WDR72: variants seen among roughly 807,000 people sequenced by gnomAD.
The protein encoded by WDR72 is WD repeat-containing protein 72.
A neutral mutation model predicts 124.2 loss-of-function variants in WDR72; 120 were observed. The observed-to-expected ratio is 0.97, with a 90% CI of 0.83 to 1.12. WDR72 has a LOEUF of 1.12. WDR72 is among the 50% of genes most tolerant of loss of function. WDR72 has a pLI of 0.00. For synonymous variants in WDR72, 452 were observed against 441.7 expected (o/e 1.02, Z -0.29); for missense variants, 1,387 against 1,278.8 (o/e 1.08, Z -1.29).
At chr15:53,571,253 TA>T (rs912418487) in intron 18 of WDR72, among the ~76,000 whole-genome samples, 1 of 152,064 alleles carries the variant, frequency 6.6e-6, no homozygotes, top group Admixed American at 6.6e-5. Flanking sequence ...TATAACCATG[TA>T]AAAAATATGC....
intron 18 of WDR72, among the ~76,000 whole-genome samples, chr15:53,562,119 T>C (rs746279606): frequency 1.1e-4 from 16 of 151,826 alleles, no homozygotes; most frequent in South Asian, 4.1e-4. Flanking sequence ...CTTCCTATTT[T>C]ACATACAAGC....
At chr15:53,705,820 T>C (rs1299811120) in intron 10 of WDR72, 107 bp downstream of exon 10, 16 of 1,347,654 alleles carry the variant, frequency 1.2e-5, no homozygotes, top group South Asian at 4.8e-5. Context: ...TAGTACACAA[T>C]AAATTTTTCT....
At chr15:53,679,211 C>T (rs75118691) in intron 13 of WDR72, among the ~76,000 whole-genome samples, 11,497 of 152,136 alleles carry the variant, frequency 0.076, 1,113 homozygotes, top group African/African-American at 0.22. Context: ...TTTAAAGAAG[C>T]TGAAAAAGTT....
chr15:53,672,354 T>G (rs1473941074), intron 13 of WDR72, among the ~76,000 whole-genome samples: 1 of 149,106 alleles, frequency 6.7e-6, no homozygotes, highest in Non-Finnish European at 1.5e-5. Context: ...TGGAGTGAGC[T>G]GTTTCAGGAG....
At chr15:53,572,322 CT>C (rs1427312342) in intron 18 of WDR72, among the ~76,000 whole-genome samples, 1 of 150,174 alleles carries the variant, frequency 6.7e-6, no homozygotes, top group East Asian at 1.9e-4. Flanking sequence ...AGCTTTCCCC[CT>C]GTTTTCTTCT....
intron 18 of WDR72, among the ~76,000 whole-genome samples, chr15:53,535,672 G>C (rs1337897302): frequency 6.6e-6 from 1 of 152,144 alleles, no homozygotes; most frequent in African/African-American, 2.4e-5. Flanking sequence ...GGTATAGCTA[G>C]AGTAAGGAGG....
Position 53,539,578 on chromosome 15 carries a change from G to C in WDR72, c.3149-16256C>G, listed in dbSNP as rs143564328. Among the ~76,000 whole-genome samples the C allele has an allele frequency of 4.4e-3, 670 of 151,918 alleles. 1 individual carries two copies. The highest frequency in any genetic ancestry group is 0.016 in the African/African-American group (645 of 41,446). ...GCAAATTATTTCATTATTGCTAATA[G>C]TTGAGGGCTAACTGGCAATGAGAAG... On this transcript the variant is annotated intron_variant, in intron 18 of 19. Transcript: ENST00000360509.
chr15:53,590,730 T>G (rs2012452807), intron 18 of WDR72, among the ~76,000 whole-genome samples: 1 of 152,046 alleles, frequency 6.6e-6, no homozygotes, highest in Non-Finnish European at 1.5e-5. Flanking sequence ...ATTATTTAAC[T>G]TCTCTGAATC....
intron 18 of WDR72, among the ~76,000 whole-genome samples, chr15:53,550,567 G>A (rs1201102199): frequency 6.6e-6 from 1 of 152,128 alleles, no homozygotes; most frequent in Non-Finnish European, 1.5e-5. Context: ...AACTTTCTCT[G>A]CCTACCCCTT....
chr15:53,646,737 C>T (rs2015055795), intron 14 of WDR72, among the ~76,000 whole-genome samples: 2 of 151,838 alleles, frequency 1.3e-5, no homozygotes, highest in Admixed American at 6.6e-5. Context: ...AAATGTACAA[C>T]AAAATATCCT....
In WDR72 at chr15:53,691,860, T is replaced by C. The variant is rs77327623; in HGVS notation, c.1765+7890A>G. Among the ~76,000 whole-genome samples the C allele has an allele frequency of 5.6e-3, 859 of 152,326 alleles. 6 individuals carry two copies. The highest frequency in any genetic ancestry group is 0.02 in the African/African-American group (819 of 41,570). On this transcript the variant is annotated intron_variant, in intron 13 of 19. Coordinates refer to ENST00000360509, the MANE Select transcript of WDR72 (RefSeq NM_182758.4). ...TCTTCTTTCTTTGAACACTAAGCAA[T>C]AGAATTAGTTTGACAGATTAAAGGT...
At chr15:53,744,579 C>G (rs2018596274) in intron 1 of WDR72, among the ~76,000 whole-genome samples, 1 of 152,222 alleles carries the variant, frequency 6.6e-6, no homozygotes, top group Non-Finnish European at 1.5e-5. Context: ...ACCTCCTAAA[C>G]CATAGGGCCT....
chr15:53,691,441 G>A (rs2016837097), intron 13 of WDR72, among the ~76,000 whole-genome samples: 1 of 152,114 alleles, frequency 6.6e-6, no homozygotes. Flanking sequence ...ATTAACAGAT[G>A]TACAATTTGC....
chr15:53,594,637 A>AAC (rs1378232807), intron 18 of WDR72, among the ~76,000 whole-genome samples: 3 of 148,702 alleles, frequency 2.0e-5, no homozygotes, highest in African/African-American at 5.2e-5. Context: ...TAAAAAAAAA[A>AAC]AAAAACTAGC....
At chr15:53,682,244 A>C (rs2016414957) in intron 13 of WDR72, among the ~76,000 whole-genome samples, 1 of 152,242 alleles carries the variant, frequency 6.6e-6, no homozygotes, top group South Asian at 2.1e-4. Context: ...TAACAATTAC[A>C]TAATTTCACC....
rs994137754 is a variant in WDR72 at position 53,540,573 on chromosome 15, A to AAG, written c.3149-17252_3149-17251insCT. ...ATACAGCAAACCAAAGGAAGAAAGA[A>AAG]AAAAAAAAAAAACAAGAGGAAAGAA... is the stretch of plus-strand genomic sequence containing the variant. On this transcript the variant is annotated intron_variant, in intron 18 of 19. Coordinates refer to ENST00000360509, the MANE Select transcript of WDR72 (RefSeq NM_182758.4). Among the ~76,000 whole-genome samples, 11 of 150,556 alleles carry AAG rather than the reference A, an allele frequency of 7.3e-5. 1 individual carries two copies. The highest frequency in any genetic ancestry group is 1.9e-4 in the East Asian group (1 of 5,142).
At chr15:53,677,476 C>G (rs958105215) in intron 13 of WDR72, among the ~76,000 whole-genome samples, 3 of 152,142 alleles carry the variant, frequency 2.0e-5, no homozygotes, top group African/African-American at 4.8e-5. Flanking sequence ...ACTCAAATCT[C>G]AAATTTTAGC....
At chr15:53,750,786 G>C (rs1447759567) in intron 1 of WDR72, among the ~76,000 whole-genome samples, 1 of 152,136 alleles carries the variant, frequency 6.6e-6, no homozygotes, top group Admixed American at 6.6e-5. Context: ...TTCCAGTGGA[G>C]GAAGTAACTG....
At chr15:53,700,695 C>T (rs1218137606) in intron 12 of WDR72, among the ~76,000 whole-genome samples, 5 of 151,956 alleles carry the variant, frequency 3.3e-5, no homozygotes, top group Admixed American at 1.3e-4. Flanking sequence ...TCTCTGGAGG[C>T]GGGGATGCAG....
Sources: allele counts gnomAD v4.1 joint callset (sites outside exome capture counted in the v4.1 genomes callset), GRCh38; gene constraint gnomAD v4.1.1; transcripts MANE v1.5; gene names NCBI Gene and HGNC (gene_info 2026-07-23, HGNC 2026-07-21).